Variants in GRIN2B observed in about 807,000 individuals in gnomAD.
The protein encoded by GRIN2B is glutamate ionotropic receptor NMDA type subunit 2B, also known as glutamate receptor ionotropic, NMDA 2B.
GRIN2B carries 5 observed loss-of-function variants against 114.5 expected under a neutral mutation model. That is an observed-to-expected ratio of 0.04 (90% CI 0.02 to 0.09). The LOEUF is 0.09. Ranked by LOEUF, GRIN2B falls within the 10% of genes least tolerant of loss-of-function variation. The pLI is 1.00. For synonymous variants in GRIN2B, 787 were observed against 745.1 expected, an observed-to-expected ratio of 1.06 and a Z score of -0.92; for missense variants, 1,108 against 1,943.5, an observed-to-expected ratio of 0.57 and a Z score of 8.08.
chr12:13,741,533 G>A (rs1024881495), intron 4 of GRIN2B, among the ~76,000 whole-genome samples: 1 of 152,034 alleles, frequency 6.6e-6, no homozygotes, highest in African/African-American at 2.4e-5. Context: ...GGATCTCAGG[G>A]GGTTTGGGGT....
intron 3 of GRIN2B, among the ~76,000 whole-genome samples, chr12:13,843,111 G>GAA (rs370233559): frequency 2.7e-5 from 3 of 109,674 alleles, no homozygotes; most frequent in East Asian, 2.7e-4. Context: ...CTACACTGGG[G>GAA]AAAAAAAAAA....
At chr12:13,927,916 G>T (rs1345781171) in intron 2 of GRIN2B, among the ~76,000 whole-genome samples, 1 of 125,446 alleles carries the variant, frequency 8.0e-6, no homozygotes, top group Non-Finnish European at 1.6e-5. Flanking sequence ...GCAGTGAGCT[G>T]TGATCCCACC....
At chr12:13,580,376 G>A in intron 10 of GRIN2B, among the ~76,000 whole-genome samples, 1 of 152,178 alleles carries the variant, frequency 6.6e-6, no homozygotes, top group East Asian at 1.9e-4. Flanking sequence ...GGCGGATATT[G>A]CACATCCTAT....
At chr12:13,595,617 ACTTGATGC>A (rs1287924637) in intron 10 of GRIN2B, among the ~76,000 whole-genome samples, 1 of 152,134 alleles carries the variant, frequency 6.6e-6, no homozygotes, top group African/African-American at 2.4e-5. Flanking sequence ...CTCCATCTCC[ACTTGATGC>A]CTTCTCAGCC....
At chr12:13,757,726 C>G (rs73300365) in intron 3 of GRIN2B, among the ~76,000 whole-genome samples, 11 of 152,032 alleles carry the variant, frequency 7.2e-5, no homozygotes, top group Admixed American at 6.6e-4. Context: ...GATGAATAAG[C>G]AGCACAGGGA....
At chr12:13,954,393 C>T (rs34287194) in intron 2 of GRIN2B, among the ~76,000 whole-genome samples, 8,150 of 152,198 alleles carry the variant, frequency 0.054, 303 homozygotes, top group Non-Finnish European at 0.082. Flanking sequence ...CCAGCACATC[C>T]GGTTAATGTG....
intron 4 of GRIN2B, among the ~76,000 whole-genome samples, chr12:13,714,246 T>C (rs1950437513): frequency 6.6e-6 from 1 of 151,716 alleles, no homozygotes; most frequent in South Asian, 2.1e-4. Flanking sequence ...TAAAAATCTG[T>C]TTGCAGTCAG....
intron 3 of GRIN2B, among the ~76,000 whole-genome samples, chr12:13,781,068 G>A (rs1242371572): frequency 6.6e-6 from 1 of 152,084 alleles, no homozygotes; most frequent in African/African-American, 2.4e-5. Context: ...AAAATAACAT[G>A]GAGAGAGATC....
intron 5 of GRIN2B, among the ~76,000 whole-genome samples, chr12:13,663,206 C>G (rs1370658464): frequency 1.3e-5 from 2 of 152,200 alleles, no homozygotes; most frequent in Non-Finnish European, 2.9e-5. Context: ...ACCGCCATCC[C>G]CTTTATGTTC....
chr12:13,578,684 G>T (rs1395708671), intron 10 of GRIN2B, among the ~76,000 whole-genome samples: 1 of 152,226 alleles, frequency 6.6e-6, no homozygotes, highest in African/African-American at 2.4e-5. Context: ...GGGCTAGTTT[G>T]CTGTGTAGCA....
chr12:13,836,094 C>A (rs1320933091), intron 3 of GRIN2B, among the ~76,000 whole-genome samples: 1 of 152,186 alleles, frequency 6.6e-6, no homozygotes, highest in African/African-American at 2.4e-5. Context: ...AGGTTGGGGA[C>A]TGCATTTGTA....
intron 2 of GRIN2B, among the ~76,000 whole-genome samples, chr12:13,959,292 G>A (rs902946153): frequency 1.3e-5 from 2 of 152,190 alleles, no homozygotes; most frequent in Non-Finnish European, 2.9e-5. Context: ...ATAGGTGAAC[G>A]CCCAGAGACT....
intron 9 of GRIN2B, among the ~76,000 whole-genome samples, chr12:13,609,589 C>T (rs964925644): frequency 4.6e-5 from 7 of 152,134 alleles, no homozygotes; most frequent in Admixed American, 6.5e-5. Flanking sequence ...CTGGCTAACA[C>T]GGTGAAACCC....
intron 5 of GRIN2B, among the ~76,000 whole-genome samples, chr12:13,630,674 T>G (rs1949608733): frequency 6.6e-6 from 1 of 152,124 alleles, no homozygotes; most frequent in Admixed American, 6.6e-5. Flanking sequence ...CTTGGTAGAC[T>G]CATCAGATAA....
chr12:13,791,216 C>CA (rs1270536377), intron 3 of GRIN2B, among the ~76,000 whole-genome samples: 10 of 152,252 alleles, frequency 6.6e-5, no homozygotes, highest in African/African-American at 2.2e-4. Context: ...GTAATCCCAG[C>CA]ACTTTGGGAG....
chr12:13,753,368 C>G lies in GRIN2B; in HGVS notation c.959G>C (p.Ser320Thr), dbSNP rs931791422. ...TCTCTTCTCGTGGGTGTTGTAACAA[C>G]TGCTTTTGGGCTCAGGGATGAAGCT... is the stretch of plus-strand genomic sequence containing the variant. Reference protein sequence around the residue: ...EHSFIPEPKSSCYNTHEKRIY... With the variant: ...EHSFIPEPKSTCYNTHEKRIY... Residue 320 changes from serine to threonine, a missense_variant, in exon 4 of 14, where the codon AGT becomes ACT. Coordinates refer to ENST00000609686, the MANE Select transcript of GRIN2B (RefSeq NM_000834.5). The surrounding 1 kb of genome is among the most constrained non-coding windows in gnomAD (Gnocchi z 6.2). 1.9e-6 allele frequency: 3 copies of G among 1,613,848 alleles called. No individual in the cohort carries two copies. The Admixed American group carries it at 5.0e-5, about 27-fold the overall frequency.
At chr12:13,903,543 G>A (rs1866491148) in intron 2 of GRIN2B, among the ~76,000 whole-genome samples, 1 of 152,022 alleles carries the variant, frequency 6.6e-6, no homozygotes, top group Admixed American at 6.5e-5. Flanking sequence ...TTTACTTATA[G>A]CTAAATTGCA....
intron 3 of GRIN2B, among the ~76,000 whole-genome samples, chr12:13,769,369 CTT>C (rs1205351243): frequency 6.6e-6 from 1 of 151,792 alleles, no homozygotes; most frequent in Non-Finnish European, 1.5e-5. Context: ...TCAAGTGTGG[CTT>C]TTTTTTGTCA....
In GRIN2B at chr12:13,557,809, AGG is replaced by A. The variant is rs1305413113; in HGVS notation, c.*4972_*4973del. 6.6e-6 allele frequency: 1 copy of A among 152,192 alleles called. No individual in the cohort carries two copies. The allele number at this position is 152,192 out of a possible 1,614,324, so 9.4% of individuals were successfully genotyped here. ...TTCTCTTGTATCATAACTTATTCCCAGGAAAAGGAGTGAGATTCCTAATGTAA... is the reference window on the plus strand; with the variant it reads ...TTCTCTTGTATCATAACTTATTCCCAAAAAGGAGTGAGATTCCTAATGTAA... On this transcript the variant is annotated 3_prime_UTR_variant, in exon 14 of 14. Coordinates refer to ENST00000609686, the MANE Select transcript of GRIN2B (RefSeq NM_000834.5).
Sources: gnomAD v4.1 joint callset for allele counts (sites outside exome capture counted in the v4.1 genomes callset) on GRCh38, gnomAD v4.1.1 for gene constraint, Gnocchi (gnomAD v3.1) non-coding constraint, MANE v1.5 for transcripts, NCBI Gene and HGNC (gene_info 2026-07-23, HGNC 2026-07-21) for gene names.